LHPP: variants seen among roughly 807,000 people sequenced by gnomAD.
The protein encoded by LHPP is hLHPP.
A neutral mutation model predicts 30.3 loss-of-function variants in LHPP; 24 were observed. That is an observed-to-expected ratio of 0.79 (90% CI 0.57 to 1.11). The LOEUF (loss-of-function observed/expected upper bound fraction) is 1.11. Ranked by LOEUF, LHPP falls within the 50% of genes most tolerant of loss-of-function variation. The pLI, the probability that LHPP is intolerant of heterozygous loss-of-function variation, is 0.00. For missense variants in LHPP, 356 were observed against 367.2 expected (o/e 0.97, Z 0.25); for synonymous variants, 150 against 157.1 (o/e 0.95, Z 0.34).
In LHPP at chr10:124,523,868, G is replaced by C. The variant is rs1954668112; in HGVS notation, c.716+6597G>C. ...GAACAGGCCTGTGGAAAAATCCACT[G>C]TGCAATGAGTCCGTGAATCCCAGAC... On this transcript the variant is annotated intron_variant, in intron 6 of 6. Coordinates refer to ENST00000368842, the MANE Select transcript of LHPP (RefSeq NM_022126.4). This position sits in a 1 kb window ranked among gnomAD's most constrained non-coding sequence, Gnocchi z 4.2. Among the ~76,000 whole-genome samples the C allele has an allele frequency of 6.6e-6, 1 of 152,188 alleles. No individual in the cohort carries two copies. Among genetic ancestry groups the C allele is most frequent in the South Asian group, 2.1e-4 (1 of 4,816 alleles).
chr10:124,601,200 G>A (rs28404201), intron 6 of LHPP, among the ~76,000 whole-genome samples: 19,081 of 152,212 alleles, frequency 0.13, 1,500 homozygotes, highest in Non-Finnish European at 0.17. Flanking sequence ...GGAACAGGGA[G>A]ACATTAGAGA....
At chr10:124,474,394 T>C (rs1246532328) in intron 1 of LHPP, among the ~76,000 whole-genome samples, 2 of 151,958 alleles carry the variant, frequency 1.3e-5, no homozygotes, top group African/African-American at 4.8e-5. Flanking sequence ...CCCACCTCAG[T>C]CTCCCAAAGT....
Position 124,517,704 on chromosome 10 carries a change from G to A in LHPP, c.716+433G>A, listed in dbSNP as rs183567240. 4.6e-5 allele frequency among the ~76,000 whole-genome samples: 7 copies of A among 152,308 alleles called. No homozygotes were observed. Among genetic ancestry groups the A allele is most frequent in the African/African-American group, 1.4e-4 (6 of 41,570 alleles). On this transcript the variant is annotated intron_variant, in intron 6 of 6. Transcript: ENST00000368842. The surrounding 1 kb of genome is among the most constrained non-coding windows in gnomAD (Gnocchi z 4.1). ...TTCTCCACTCTGTAAGACACAGAGA[G>A]CCTGGAGACGACAGAGGGTTGCTCA...
At chr10:124,529,433 C>T (rs1954830058) in intron 6 of LHPP, among the ~76,000 whole-genome samples, 1 of 152,122 alleles carries the variant, frequency 6.6e-6, no homozygotes, top group Non-Finnish European at 1.5e-5. Context: ...AGGGCTCCCC[C>T]TTCTCATGGG....
At chr10:124,485,007 T>G (rs1029240247) in intron 2 of LHPP, among the ~76,000 whole-genome samples, 2 of 152,172 alleles carry the variant, frequency 1.3e-5, no homozygotes, top group Non-Finnish European at 1.5e-5. Context: ...CCACTGCACC[T>G]TCTTCCTTCC....
At chr10:124,611,328 T>C (rs1949195033) in intron 6 of LHPP, among the ~76,000 whole-genome samples, 2 of 152,066 alleles carry the variant, frequency 1.3e-5, no homozygotes, top group Admixed American at 6.5e-5. Context: ...GTGTGACCTA[T>C]AGCAAGTCTC....
At chr10:124,515,543 A>G (rs2133908181) in intron 5 of LHPP, among the ~76,000 whole-genome samples, 1 of 152,258 alleles carries the variant, frequency 6.6e-6, no homozygotes, top group East Asian at 1.9e-4. Flanking sequence ...TGGGTGCCAG[A>G]CGTGATCAAT....
At chr10:124,470,321 C>G (rs1033899290) in intron 1 of LHPP, among the ~76,000 whole-genome samples, 2 of 152,138 alleles carry the variant, frequency 1.3e-5, no homozygotes, top group African/African-American at 2.4e-5. Flanking sequence ...GTTTTTGGAG[C>G]CGGCGGAAGG....
chr10:124,552,096 G>A (rs941904969), intron 6 of LHPP, among the ~76,000 whole-genome samples: 8 of 152,166 alleles, frequency 5.3e-5, no homozygotes. Context: ...CTGGGAGAAT[G>A]GCAGGGCCTG....
intron 6 of LHPP, among the ~76,000 whole-genome samples, chr10:124,547,893 G>T (rs1345803417): frequency 1.3e-5 from 2 of 152,254 alleles, no homozygotes; most frequent in Admixed American, 1.3e-4. Flanking sequence ...GAGTGGAGGT[G>T]GGTGGCCACA....
At chr10:124,560,143 A>G (rs1948370606) in intron 6 of LHPP, among the ~76,000 whole-genome samples, 1 of 152,270 alleles carries the variant, frequency 6.6e-6, no homozygotes. Flanking sequence ...TCATATGGTC[A>G]CTACGTTGTT....
intron 6 of LHPP, among the ~76,000 whole-genome samples, chr10:124,555,175 T>C (rs948175210): frequency 1.3e-5 from 2 of 152,118 alleles, no homozygotes; most frequent in Admixed American, 1.3e-4. Flanking sequence ...TCTTCCTGGG[T>C]GGGCCAGTGG....
chr10:124,468,441 A>G (rs1952624559), intron 1 of LHPP, among the ~76,000 whole-genome samples: 1 of 152,198 alleles, frequency 6.6e-6, no homozygotes, highest in Non-Finnish European at 1.5e-5. Context: ...GTGAGGGGAC[A>G]TCACACCCGT....
At chr10:124,469,200 TG>T (rs1385562953) in intron 1 of LHPP, among the ~76,000 whole-genome samples, 1 of 150,904 alleles carries the variant, frequency 6.6e-6, no homozygotes, top group Non-Finnish European at 1.5e-5. Flanking sequence ...TGGAGTGGGG[TG>T]GGGGGTCTTA....
At chr10:124,529,036 T>C in intron 6 of LHPP, among the ~76,000 whole-genome samples, 1 of 144,790 alleles carries the variant, frequency 6.9e-6, no homozygotes, top group East Asian at 2.0e-4. Context: ...CTTTTTTTTT[T>C]TTTTTTTTTT....
intron 1 of LHPP, among the ~76,000 whole-genome samples, chr10:124,483,711 CAT>C (rs1346881893): frequency 1.3e-5 from 2 of 152,032 alleles, no homozygotes; most frequent in Non-Finnish European, 2.9e-5. Context: ...GAGCTGAGAT[CAT>C]GCCACTGCAC....
chr10:124,520,679 G>T (rs1954588593), intron 6 of LHPP, among the ~76,000 whole-genome samples: 1 of 152,244 alleles, frequency 6.6e-6, no homozygotes, highest in Admixed American at 6.5e-5. Flanking sequence ...GGCCACATGG[G>T]CATCAAAGGA....
At chr10:124,611,058 C>A (rs1242481044) in intron 6 of LHPP, among the ~76,000 whole-genome samples, 1 of 150,020 alleles carries the variant, frequency 6.7e-6, no homozygotes, top group African/African-American at 2.5e-5. Flanking sequence ...GAGGGGGCCG[C>A]ATACTCATCC....
In LHPP at chr10:124,563,459, A is replaced by G. The variant is rs565052348; in HGVS notation, c.716+46188A>G. On this transcript the variant is annotated intron_variant, in intron 6 of 6. Transcript: ENST00000368842. ...TGATTCCATGTATAGAACATCCTCA[A>G]AATGACAAAATTCTATCATGCAAAA... Among the ~76,000 whole-genome samples, 13 of 152,270 alleles carry G rather than the reference A, an allele frequency of 8.5e-5. No individual in the cohort carries two copies. In the South Asian group the frequency reaches 2.5e-3, roughly 29 times the overall value.
Sources: gnomAD v4.1 joint callset for allele counts (sites outside exome capture counted in the v4.1 genomes callset) on GRCh38, gnomAD v4.1.1 for gene constraint, Gnocchi (gnomAD v3.1) non-coding constraint, MANE v1.5 for transcripts, NCBI Gene and HGNC (gene_info 2026-07-23, HGNC 2026-07-21) for gene names.